Variants in NDFIP2 observed in about 807,000 individuals in gnomAD.
NDFIP2 encodes the protein NEDD4 family-interacting protein 2.
A neutral mutation model predicts 36.0 loss-of-function variants in NDFIP2; 19 were observed. The observed-to-expected ratio is 0.53, with a 90% confidence interval of 0.37 to 0.77. NDFIP2 has a LOEUF of 0.77. Ranked by LOEUF, NDFIP2 falls within the 30% of genes least tolerant of loss-of-function variation. The pLI is 0.00. For missense variants in NDFIP2, 446 were observed against 435.8 expected, an observed-to-expected ratio of 1.02 and a Z score of -0.21; for synonymous variants, 181 against 167.7, an observed-to-expected ratio of 1.08 and a Z score of -0.61.
At chr13:79,494,974 G>A (rs1271695115) in intron 1 of NDFIP2, among the ~76,000 whole-genome samples, 2 of 151,442 alleles carry the variant, frequency 1.3e-5, no homozygotes, top group African/African-American at 4.8e-5. Flanking sequence ...AATTTCTGTT[G>A]TTCTGTGTTA....
intron 1 of NDFIP2, among the ~76,000 whole-genome samples, chr13:79,494,350 T>C (rs942479064): frequency 6.6e-6 from 1 of 152,100 alleles, no homozygotes; most frequent in African/African-American, 2.4e-5. Context: ...GTATTTACAT[T>C]TTATGACTGA....
chr13:79,497,660 GTTT>G (rs1282594237), intron 1 of NDFIP2, among the ~76,000 whole-genome samples: 1 of 126,732 alleles, frequency 7.9e-6, no homozygotes, highest in African/African-American at 2.8e-5. Context: ...AGATTTCTGA[GTTT>G]TTTTTTTTTT....
At chr13:79,488,932 T>A (rs1873121336) in intron 1 of NDFIP2, among the ~76,000 whole-genome samples, 1 of 152,222 alleles carries the variant, frequency 6.6e-6, no homozygotes, top group Admixed American at 6.5e-5. Flanking sequence ...TTTGTACATA[T>A]TAGCACGCTT....
chr13:79,546,361 C>A (rs900501921), intron 5 of NDFIP2, among the ~76,000 whole-genome samples: 1 of 152,078 alleles, frequency 6.6e-6, no homozygotes, highest in Non-Finnish European at 1.5e-5. Flanking sequence ...GTTAAAAATA[C>A]ATATGTGTTT....
chr13:79,484,685 T>C lies in NDFIP2; in HGVS notation c.321+3161T>C, dbSNP rs184828054. Among the ~76,000 whole-genome samples, 6 of 152,358 alleles carry C rather than the reference T, an allele frequency of 3.9e-5. No homozygotes were observed. The East Asian group carries it at 1.2e-3, about 29-fold the overall frequency. On this transcript the variant is annotated intron_variant, in intron 1 of 7. Coordinates refer to ENST00000218652, the MANE Select transcript of NDFIP2 (RefSeq NM_019080.3). ...TCATTCTACAAAGATCTGAGTACTT[T>C]GCTCTTGTATCTGGGGAATTAGAGT...
At chr13:79,499,874 AT>A (rs1873588475) in intron 1 of NDFIP2, among the ~76,000 whole-genome samples, 2 of 152,054 alleles carry the variant, frequency 1.3e-5, no homozygotes, top group South Asian at 4.1e-4. Flanking sequence ...AAATTCTATA[AT>A]TTATATGGAG....
chr13:79,482,076 G>A (rs919411724), intron 1 of NDFIP2, among the ~76,000 whole-genome samples: 2 of 150,994 alleles, frequency 1.3e-5, no homozygotes, highest in Non-Finnish European at 2.9e-5. Context: ...CTCTCTGCTC[G>A]TTAACCTTGT....
chr13:79,502,058 A>T (rs748074761), intron 1 of NDFIP2, among the ~76,000 whole-genome samples: 1 of 152,128 alleles, frequency 6.6e-6, no homozygotes, highest in East Asian at 1.9e-4. Context: ...TACCTGGAAC[A>T]TATTAGGCTT....
At chr13:79,483,415 T>A (rs1396166790) in intron 1 of NDFIP2, among the ~76,000 whole-genome samples, 1 of 152,150 alleles carries the variant, frequency 6.6e-6, no homozygotes, top group Non-Finnish European at 1.5e-5. Flanking sequence ...GAATTGACAT[T>A]TTCAATAGAC....
chr13:79,548,225 G>C, intron 5 of NDFIP2, 103 bp from the exon 6 acceptor site: 1 of 885,134 alleles, frequency 1.1e-6, no homozygotes. Flanking sequence ...ATTTTTAAGT[G>C]TTAAAGATTA....
intron 1 of NDFIP2, among the ~76,000 whole-genome samples, chr13:79,491,574 A>G (rs1326254622): frequency 6.6e-6 from 1 of 152,088 alleles, no homozygotes; most frequent in Non-Finnish European, 1.5e-5. Flanking sequence ...CTTGGCAACT[A>G]TTTTCTTCTT....
At chr13:79,511,259 A>C (rs1421539619) in intron 1 of NDFIP2, among the ~76,000 whole-genome samples, 1 of 152,180 alleles carries the variant, frequency 6.6e-6, no homozygotes, top group Non-Finnish European at 1.5e-5. Context: ...TAGCAATCTC[A>C]AATTATGTCA....
rs779000411 is a variant in NDFIP2, at chr13:79,553,314, A to C, written c.*801A>C. The stretch of plus-strand genomic sequence containing the variant: ...ATACCAAATGTCCTTTATAAGAAAA[A>C]TAAATTTTATTTTAAGGGACATACT... On this transcript the variant is annotated 3_prime_UTR_variant, in exon 8 of 8. Transcript: ENST00000218652. 6.6e-6 allele frequency: 1 copy of C among 151,320 alleles called. No homozygotes were observed. Among genetic ancestry groups the C allele is most frequent in the Non-Finnish European group, 1.5e-5 (1 of 67,398 alleles). The allele number at this position is 151,320 out of a possible 1,614,324, so 9.4% of individuals were successfully genotyped here.
chr13:79,494,692 C>T (rs2140737534), intron 1 of NDFIP2, among the ~76,000 whole-genome samples: 1 of 152,002 alleles, frequency 6.6e-6, no homozygotes, highest in Admixed American at 6.6e-5. Context: ...CACTCTAAGT[C>T]TTTTGTTGTT....
At chr13:79,516,822 T>C (rs1173565994) in intron 1 of NDFIP2, among the ~76,000 whole-genome samples, 1 of 152,168 alleles carries the variant, frequency 6.6e-6, no homozygotes, top group Non-Finnish European at 1.5e-5. Flanking sequence ...CACATTCTTA[T>C]CTTGGTTCTT....
chr13:79,531,500 T>C (rs958334058), intron 2 of NDFIP2, among the ~76,000 whole-genome samples: 4 of 152,236 alleles, frequency 2.6e-5, no homozygotes, highest in Non-Finnish European at 5.9e-5. Context: ...CTGTGTCATC[T>C]ACATTGAAAA....
At chr13:79,497,826 G>GTT (rs1322460200) in intron 1 of NDFIP2, among the ~76,000 whole-genome samples, 1 of 149,892 alleles carries the variant, frequency 6.7e-6, no homozygotes, top group Admixed American at 6.7e-5. Flanking sequence ...GTGTGTGTGT[G>GTT]TGTATGTGTG....
chr13:79,498,500 G>C (rs1196368215), intron 1 of NDFIP2, among the ~76,000 whole-genome samples: 1 of 151,968 alleles, frequency 6.6e-6, no homozygotes, highest in East Asian at 1.9e-4. Context: ...CAATACCACA[G>C]ATTGTGTAGT....
intron 1 of NDFIP2, among the ~76,000 whole-genome samples, chr13:79,484,628 A>G (rs1176908545): frequency 2.0e-5 from 3 of 152,220 alleles, no homozygotes; most frequent in Non-Finnish European, 2.9e-5. Flanking sequence ...TTTCTACAAT[A>G]TCAATTTTCT....
Sources: gnomAD v4.1 joint callset for allele counts (sites outside exome capture counted in the v4.1 genomes callset) on GRCh38, gnomAD v4.1.1 for gene constraint, MANE v1.5 for transcripts, NCBI Gene and HGNC (gene_info 2026-07-23, HGNC 2026-07-21) for gene names.